The following CYFIP1 variants were observed in gnomAD, a reference collection of about 807,000 sequenced individuals.
CYFIP1 encodes the protein cytoplasmic FMR1-interacting protein 1.
A neutral mutation model predicts 163.5 loss-of-function variants in CYFIP1; 58 were observed. The observed-to-expected ratio is 0.35, with a 90% CI of 0.29 to 0.44. The LOEUF (loss-of-function observed/expected upper bound fraction) is 0.44, where lower values mean the gene tolerates loss of function less well. Ranked by LOEUF, CYFIP1 falls within the 20% of genes least tolerant of loss-of-function variation. The pLI is 1.00. For missense variants in CYFIP1, 1,338 were observed against 1,653.8 expected (o/e 0.81, Z 3.31); for synonymous variants, 663 against 660.7 (o/e 1.00, Z -0.05).
rs376350773 is a variant in CYFIP1 at position 22,883,775 on chromosome 15, C to T, written c.2677-764G>A. Among the ~76,000 whole-genome samples, 191 of 147,856 alleles carry T rather than the reference C, an allele frequency of 1.3e-3. No individual in the cohort carries two copies. In the East Asian group the frequency reaches 0.014, roughly 11 times the overall value. On this transcript the variant is annotated intron_variant, in intron 23 of 30. Transcript: ENST00000617928. ...GAGCTTGCAGTGAGCCGAGATCGCG[C>T]CACTGCACTCCAGCCCGGGTGACAG...
chr15:22,896,016 C>G (rs544477221), intron 22 of CYFIP1, among the ~76,000 whole-genome samples: 1 of 152,114 alleles, frequency 6.6e-6, no homozygotes, highest in African/African-American at 2.4e-5. Context: ...GTGAGTACTG[C>G]GAATGTGTCA....
rs1197186232 is a variant in CYFIP1, at chr15:22,867,595, C to CTT, written c.*2431_*2432dup. ...CCTTGATTACCGTTTTACATCAGCT[C>CTT]TTGTACTTTTCAGTATATTTTCATA... On this transcript the variant is annotated 3_prime_UTR_variant, in exon 31 of 31. Coordinates refer to ENST00000617928, the MANE Select transcript of CYFIP1 (RefSeq NM_014608.6). 5.7e-6 allele frequency: 1 copy of CTT among 174,518 alleles called. No individual in the cohort carries two copies. The highest frequency in any genetic ancestry group is 1.5e-4 in the East Asian group (1 of 6,666). 10.8% of individuals were successfully genotyped at this position (174,518 alleles called of 1,614,324 possible). A position where few individuals can be genotyped will look rare whatever the true frequency, so the allele number is the denominator to read the frequency against.
intron 1 of CYFIP1, among the ~76,000 whole-genome samples, chr15:22,961,672 C>A (rs1239146338): frequency 2.0e-5 from 3 of 152,224 alleles, no homozygotes; most frequent in South Asian, 4.1e-4. Flanking sequence ...CGAGCCACTT[C>A]CCCCTGCCTG....
At chr15:22,920,096 AAAAC>A (rs1178677459) in intron 13 of CYFIP1, among the ~76,000 whole-genome samples, 7 of 152,100 alleles carry the variant, frequency 4.6e-5, no homozygotes, top group Middle Eastern at 3.4e-3. Context: ...AAAAAAACAA[AAAAC>A]AAACAAACAA....
chr15:22,890,852 C>A (rs1274013119), intron 23 of CYFIP1, among the ~76,000 whole-genome samples: 1 of 151,804 alleles, frequency 6.6e-6, no homozygotes, highest in African/African-American at 2.4e-5. Flanking sequence ...GGAGGCCGCA[C>A]CTGCCAACAG....
intron 11 of CYFIP1, among the ~76,000 whole-genome samples, chr15:22,929,547 G>C (rs1160840564): frequency 1.4e-5 from 2 of 145,162 alleles, no homozygotes; most frequent in Admixed American, 7.2e-5. Flanking sequence ...CAGGAGAATT[G>C]CTTGAATCCG....
chr15:22,928,175 G>C, intron 11 of CYFIP1, 147 bp from the exon 12 acceptor site: 1 of 1,009,782 alleles, frequency 9.9e-7, no homozygotes, highest in South Asian at 1.8e-5. Context: ...CACAAGGTCG[G>C]GAGATCCAGA....
chr15:22,904,106 C>T (rs1432861651), intron 21 of CYFIP1: 1 of 610,536 alleles, frequency 1.6e-6, no homozygotes, highest in East Asian at 2.7e-5. Context: ...TGGGTCATGC[C>T]TTTCTCCACT....
chr15:22,941,352 G>A (rs1441120806), intron 6 of CYFIP1, among the ~76,000 whole-genome samples: 1 of 152,098 alleles, frequency 6.6e-6, no homozygotes, highest in African/African-American at 2.4e-5. Flanking sequence ...GTGAGCCATC[G>A]CACCTGGCCA....
At position 22,886,443 on chromosome 15, in the gene CYFIP1, A is replaced by G. The variant is rs1339094105; in HGVS notation, c.2677-3432T>C. Among the ~76,000 whole-genome samples the G allele has an allele frequency of 5.3e-5, 8 of 152,184 alleles. No individual in the cohort carries two copies. In the East Asian group the frequency reaches 1.3e-3, roughly 26 times the overall value. ...TAAATAAATCGAATAATCAAATCAA[A>G]TAAATCACTTCTTTAGCTGTATATA... On this transcript the variant is annotated intron_variant, in intron 23 of 30. Transcript: ENST00000617928.
Position 22,867,115 on chromosome 15 carries a change from A to G in CYFIP1, c.*2913T>C. 1 of 487,188 alleles carries G rather than the reference A, an allele frequency of 2.1e-6. No homozygotes were observed. The highest frequency in any genetic ancestry group is 3.6e-6 in the Non-Finnish European group (1 of 279,688). The allele number at this position is 487,188 out of a possible 1,614,324, so 30.2% of individuals were successfully genotyped here. A position where few individuals can be genotyped will look rare whatever the true frequency, so the allele number is the denominator to read the frequency against. ...TTTTCATCCCTTCTCCAAAAGCCGAATGCACTAATGACAGTTTTAAGTCTA... is the reference window on the plus strand; with the variant it reads ...TTTTCATCCCTTCTCCAAAAGCCGAGTGCACTAATGACAGTTTTAAGTCTA... On this transcript the variant is annotated 3_prime_UTR_variant, in exon 31 of 31. Transcript: ENST00000617928.
In CYFIP1 at chr15:22,869,207, C is replaced by CA; in HGVS notation, c.*820dup. 1 of 152,408 alleles carries CA rather than the reference C, an allele frequency of 6.6e-6. No homozygotes were observed. Among genetic ancestry groups the CA allele is most frequent in the Middle Eastern group, 3.4e-3 (1 of 296 alleles). 9.4% of individuals were successfully genotyped at this position (152,408 alleles called of 1,614,324 possible). On this transcript the variant is annotated 3_prime_UTR_variant, in exon 31 of 31. Coordinates refer to ENST00000617928, the MANE Select transcript of CYFIP1 (RefSeq NM_014608.6). ...TCCTCCAGGTCATGGGCACAGGTAACAGAGAGGCACTGAGTAGCCTCTTCA... is the reference window on the plus strand; with the variant it reads ...TCCTCCAGGTCATGGGCACAGGTAACAAGAGAGGCACTGAGTAGCCTCTTCA...
In CYFIP1 at chr15:22,975,004, G is replaced by C. The variant is rs563129310; in HGVS notation, c.-7+5283C>G. ...TTGGCCTGCTCACTGTGAGCTTTTT[G>C]AGGATGGAGACCTTTCTGATGATCC... On this transcript the variant is annotated intron_variant, in intron 1 of 30. Coordinates refer to ENST00000617928, the MANE Select transcript of CYFIP1 (RefSeq NM_014608.6). Among the ~76,000 whole-genome samples, 3 of 151,902 alleles carry C rather than the reference G, an allele frequency of 2.0e-5. 1 individual carries two copies. Among genetic ancestry groups the C allele is most frequent in the South Asian group, 2.1e-4 (1 of 4,790 alleles).
intron 1 of CYFIP1, among the ~76,000 whole-genome samples, chr15:22,973,093 G>A (rs569145024): frequency 2.4e-4 from 36 of 152,136 alleles, no homozygotes; most frequent in Admixed American, 3.9e-4. Context: ...CCAAGATCGC[G>A]CCACTGCTCT....
In CYFIP1 at chr15:22,867,076, A is replaced by G. The variant is rs1354204704; in HGVS notation, c.*2952T>C. The G allele has an allele frequency of 9.9e-6, 5 of 507,496 alleles. No homozygotes were observed. The highest frequency in any genetic ancestry group is 3.4e-6 in the Non-Finnish European group (1 of 292,086). The allele number at this position is 507,496 out of a possible 1,614,324, so 31.4% of individuals were successfully genotyped here. On this transcript the variant is annotated 3_prime_UTR_variant, in exon 31 of 31. Coordinates refer to ENST00000617928, the MANE Select transcript of CYFIP1 (RefSeq NM_014608.6). ...ATTTCTATTAACATTTTATTGTTGTAGAAGTATTTTACATTTTCATCCCTT... is the reference window on the plus strand; with the variant it reads ...ATTTCTATTAACATTTTATTGTTGTGGAAGTATTTTACATTTTCATCCCTT...
chr15:22,911,850 G>C lies in CYFIP1; in HGVS notation c.2082+329C>G, dbSNP rs575178051. 9.5e-4 allele frequency among the ~76,000 whole-genome samples: 145 copies of C among 152,318 alleles called. 1 individual carries two copies. The highest frequency in any genetic ancestry group is 3.2e-3 in the African/African-American group (132 of 41,568). On this transcript the variant is annotated intron_variant, in intron 18 of 30. Coordinates refer to ENST00000617928, the MANE Select transcript of CYFIP1 (RefSeq NM_014608.6). ...CGATGCAAATAAAAAACATGCCAGG[G>C]AGTGCAGCAGAGTGCTATTTATAAA...
intron 1 of CYFIP1, among the ~76,000 whole-genome samples, chr15:22,956,511 T>A (rs1417330533): frequency 6.6e-6 from 1 of 151,670 alleles, no homozygotes; most frequent in Non-Finnish European, 1.5e-5. Context: ...TGTGTGAGTG[T>A]GTGTGTCTTC....
chr15:22,870,956 A>G (rs906222103), intron 30 of CYFIP1, among the ~76,000 whole-genome samples: 1 of 152,184 alleles, frequency 6.6e-6, no homozygotes, highest in South Asian at 2.1e-4. Flanking sequence ...AGCTGGTTCT[A>G]CCTATGCAGG....
chr15:22,945,190 C>T (rs553684323), intron 3 of CYFIP1, among the ~76,000 whole-genome samples: 2 of 152,282 alleles, frequency 1.3e-5, no homozygotes, highest in South Asian at 4.1e-4. Flanking sequence ...TGAGGGGTGC[C>T]ACAGGCGTTA....
Sources: gnomAD v4.1 joint callset for allele counts (sites outside exome capture counted in the v4.1 genomes callset) on GRCh38, gnomAD v4.1.1 for gene constraint, MANE v1.5 for transcripts, NCBI Gene and HGNC (gene_info 2026-07-23, HGNC 2026-07-21) for gene names.